EBF4: variants seen among roughly 807,000 people sequenced by gnomAD.
EBF4 encodes the protein EBF transcription factor 4, also known as transcription factor COE4.
EBF4 carries 34 observed loss-of-function variants against 67.1 expected under a neutral mutation model. That is an observed-to-expected ratio of 0.51 (90% CI 0.39 to 0.67). The LOEUF is 0.67. Among genes scored for constraint, EBF4 ranks in the 30% least tolerant of loss-of-function variants. The probability of loss-of-function intolerance (pLI) is 0.00; values close to 1 mark genes in which losing one functional copy is unlikely to be tolerated. For synonymous variants in EBF4, 387 were observed against 377.7 expected (o/e 1.02, Z -0.29); for missense variants, 837 against 873.3 (o/e 0.96, Z 0.52).
At chr20:2,702,427 CA>C (rs11476966) in intron 1 of EBF4, among the ~76,000 whole-genome samples, 21,382 of 138,444 alleles carry the variant, frequency 0.15, 1,621 homozygotes, top group East Asian at 0.37. Context: ...GATCCTGTCT[CA>C]AAAAAAAAAA....
intron 6 of EBF4, among the ~76,000 whole-genome samples, chr20:2,722,701 C>A (rs1327841920): frequency 6.6e-6 from 1 of 152,208 alleles, no homozygotes; most frequent in African/African-American, 2.4e-5. Flanking sequence ...TTTCTCATCT[C>A]TTGGGGATCA....
At chr20:2,736,034 C>A (rs1355054542) in intron 6 of EBF4, among the ~76,000 whole-genome samples, 2 of 152,330 alleles carry the variant, frequency 1.3e-5, no homozygotes, top group East Asian at 1.9e-4. Flanking sequence ...TGAACTGTAG[C>A]TACCGTGACT....
At position 2,732,529 on chromosome 20, in the gene EBF4, A is replaced by G. The variant is rs1260341803; in HGVS notation, c.558-16020A>G. On this transcript the variant is annotated intron_variant, in intron 6 of 16. Coordinates refer to ENST00000609451, the Ensembl canonical transcript of EBF4. ...TCTCATAATTTTTATCTTAGTGTCT[A>G]TTCATAAATTAGTATAGCCACTCCA... 5.3e-5 allele frequency among the ~76,000 whole-genome samples: 8 copies of G among 152,354 alleles called. No individual in the cohort carries two copies. In the East Asian group the frequency reaches 1.3e-3, roughly 26 times the overall value.
chr20:2,744,581 T>A (rs1374141344), intron 6 of EBF4, among the ~76,000 whole-genome samples: 1 of 130,832 alleles, frequency 7.6e-6, no homozygotes, highest in Non-Finnish European at 1.5e-5. Flanking sequence ...AACCTCCACC[T>A]CCCCCGTTCA....
chr20:2,755,768 G>C lies in EBF4; in HGVS notation c.1682G>C (p.Arg561Pro), dbSNP rs751348568. 6.5e-7 allele frequency: 1 copy of C among 1,549,982 alleles called. No individual in the cohort carries two copies. The highest frequency in any genetic ancestry group is 1.2e-5 in the South Asian group (1 of 84,042). The change falls in exon 15 of 17, where the codon CGC becomes CCC. Residue 561 changes from arginine (R) to proline (P), a missense_variant. Transcript: ENST00000609451. The surrounding 1 kb of genome is among the most constrained non-coding windows in gnomAD (Gnocchi z 4.7). Reference sequence around the variant, plus strand: ...AGGAGCGCCTTCGCCCCCGTGCTGCGCCCCCCAAGCTCCCCACCCCAGGCC... The same window carrying C: ...AGGAGCGCCTTCGCCCCCGTGCTGCCCCCCCCAAGCTCCCCACCCCAGGCC...
intron 1 of EBF4, among the ~76,000 whole-genome samples, chr20:2,695,682 A>G (rs2087278635): frequency 6.6e-6 from 1 of 152,170 alleles, no homozygotes; most frequent in East Asian, 1.9e-4. Flanking sequence ...GTCTGTCATC[A>G]CTACAGTTGT....
At chr20:2,737,361 G>A (rs1436766397) in intron 6 of EBF4, among the ~76,000 whole-genome samples, 1 of 152,020 alleles carries the variant, frequency 6.6e-6, no homozygotes, top group African/African-American at 2.4e-5. Context: ...TGAGTGAACC[G>A]CCTGCAACTT....
chr20:2,743,060 C>A (rs189288251), intron 6 of EBF4, among the ~76,000 whole-genome samples: 2 of 152,192 alleles, frequency 1.3e-5, no homozygotes, highest in Non-Finnish European at 2.9e-5. Context: ...CACTCTCCCC[C>A]AGTCCCCAGC....
intron 6 of EBF4, among the ~76,000 whole-genome samples, chr20:2,730,408 A>C (rs761880470): frequency 4.6e-5 from 7 of 152,116 alleles, no homozygotes; most frequent in African/African-American, 7.2e-5. Context: ...TAAGGACTTC[A>C]TCACTAAATT....
chr20:2,708,593 G>A lies in EBF4; in HGVS notation c.488+573G>A, dbSNP rs1047137510. Among the ~76,000 whole-genome samples, 9 of 152,290 alleles carry A rather than the reference G, an allele frequency of 5.9e-5. No individual in the cohort carries two copies. The East Asian group carries it at 1.5e-3, about 26-fold the overall frequency. ...TGAAATCTGTGGTTGGTAGCCAGGC[G>A]CCTGTAATCCCAGCTACTTGGAAGG... On this transcript the variant is annotated intron_variant, in intron 5 of 16. Coordinates refer to ENST00000609451, the Ensembl canonical transcript of EBF4.
rs909518189 is a variant in EBF4, at chr20:2,756,219, C to T, written c.1738+395C>T. Among the ~76,000 whole-genome samples, 42 of 152,252 alleles carry T rather than the reference C, an allele frequency of 2.8e-4. No homozygotes were observed. The highest frequency in any genetic ancestry group is 9.9e-4 in the African/African-American group (41 of 41,474). ...TGTGTCCACCAGAGGGTAGCACACACCACTGTGAGGGACTGGGTCGCTGAC... is the reference window on the plus strand; with the variant it reads ...TGTGTCCACCAGAGGGTAGCACACATCACTGTGAGGGACTGGGTCGCTGAC... On this transcript the variant is annotated intron_variant, in intron 15 of 16. Coordinates refer to ENST00000609451, the Ensembl canonical transcript of EBF4. This position sits in a 1 kb window ranked among gnomAD's most constrained non-coding sequence, Gnocchi z 4.5.
intron 6 of EBF4, among the ~76,000 whole-genome samples, chr20:2,711,176 A>AATC (rs1491183313): frequency 2.0e-5 from 3 of 150,406 alleles, no homozygotes; most frequent in Non-Finnish European, 4.4e-5. Flanking sequence ...TAATAATAAT[A>AATC]ATAAAATTAA....
chr20:2,693,146 A>G, upstream of EBF4: 1 of 138,960 alleles, frequency 7.2e-6, no homozygotes. This position sits in a 1 kb window ranked among gnomAD's most constrained non-coding sequence, Gnocchi z 4.6. Flanking sequence ...CGCCTCCCGG[A>G]TGGTAATCAG....
At position 2,693,804 on chromosome 20, in the gene EBF4, G is replaced by T; in HGVS notation, c.137+22G>T. 7.9e-7 allele frequency: 1 copy of T among 1,271,320 alleles called. No individual in the cohort carries two copies. 78.8% of individuals were successfully genotyped at this position (1,271,320 alleles called of 1,614,324 possible). On this transcript the variant is annotated intron_variant, in intron 1 of 16. Transcript: ENST00000609451. The surrounding 1 kb of genome is among the most constrained non-coding windows in gnomAD (Gnocchi z 4.6). Reference sequence around the variant, plus strand: ...AGAGGTAAGCGCTCGGACCGGACCCGGTGCGCTCGGGTTGGACGGCTGCGC... The same window carrying T: ...AGAGGTAAGCGCTCGGACCGGACCCTGTGCGCTCGGGTTGGACGGCTGCGC...
At chr20:2,706,370 C>T (rs1409115045) in intron 4 of EBF4, 106 bp downstream of exon 4, 1 of 1,318,788 alleles carries the variant, frequency 7.6e-7, no homozygotes, top group Non-Finnish European at 1.1e-6. Context: ...CTCCCTATGC[C>T]CTCCGTCCCC....
At chr20:2,719,820 G>A (rs778544441) in intron 6 of EBF4, among the ~76,000 whole-genome samples, 36 of 152,184 alleles carry the variant, frequency 2.4e-4, no homozygotes, top group Non-Finnish European at 4.3e-4. Context: ...TATGGCCCAC[G>A]TTGGTAAATA....
At chr20:2,694,016 C>T (rs1206977072) in intron 1 of EBF4, among the ~76,000 whole-genome samples, 2 of 152,204 alleles carry the variant, frequency 1.3e-5, no homozygotes. Flanking sequence ...TTTCTGACGG[C>T]CGCTCGCGGG....
rs575792469 is a variant in EBF4, at chr20:2,697,887, C to A, written c.137+4105C>A. ...CTGGAAGGCCCAGGCCAGACCTCCC[C>A]CTGGAGCTGATCCCTGCACACTAGC... On this transcript the variant is annotated intron_variant, in intron 1 of 16. Coordinates refer to ENST00000609451, the Ensembl canonical transcript of EBF4. Among the ~76,000 whole-genome samples, 4 of 152,374 alleles carry A rather than the reference C, an allele frequency of 2.6e-5. No homozygotes were observed. In the South Asian group the frequency reaches 8.3e-4, roughly 32 times the overall value.
chr20:2,742,772 G>T (rs184348156), intron 6 of EBF4, among the ~76,000 whole-genome samples: 184 of 152,246 alleles, frequency 1.2e-3, no homozygotes, highest in African/African-American at 4.1e-3. Flanking sequence ...GGCCAGGAGT[G>T]GGGAGGGGTG....
Sources: gnomAD v4.1 joint callset for allele counts (sites outside exome capture counted in the v4.1 genomes callset) on GRCh38, gnomAD v4.1.1 for gene constraint, Gnocchi (gnomAD v3.1) non-coding constraint, MANE v1.5 for transcripts, NCBI Gene and HGNC (gene_info 2026-07-23, HGNC 2026-07-21) for gene names.